The following MANBA variants were observed in gnomAD, a reference collection of about 807,000 sequenced individuals.
MANBA encodes beta-mannosidase.
Under a neutral mutation model 111.1 loss-of-function variants are expected in MANBA, and 83 were observed. The ratio of observed to expected loss-of-function variants is 0.75; its 90% CI spans 0.63 to 0.90. The LOEUF (loss-of-function observed/expected upper bound fraction) is 0.90, where lower values mean the gene tolerates loss of function less well. Ranked by LOEUF, MANBA falls within the 40% of genes least tolerant of loss-of-function variation. MANBA has a pLI of 0.00. For missense variants in MANBA, 1,036 were observed against 1,069.0 expected (o/e 0.97, Z 0.43); for synonymous variants, 370 against 378.7 (o/e 0.98, Z 0.27).
intron 1 of MANBA, among the ~76,000 whole-genome samples, chr4:102,736,016 A>G (rs1248501659): frequency 6.6e-6 from 1 of 152,228 alleles, no homozygotes; most frequent in Non-Finnish European, 1.5e-5. Flanking sequence ...CGTTTATACC[A>G]GCTGGTAACT....
At chr4:102,711,091 G>T (rs979877264) in intron 5 of MANBA, among the ~76,000 whole-genome samples, 1 of 152,074 alleles carries the variant, frequency 6.6e-6, no homozygotes, top group Admixed American at 6.5e-5. Flanking sequence ...CAAAAGCAAA[G>T]ATAACAAACA....
chr4:102,664,350 T>C (rs1360735822), intron 11 of MANBA, among the ~76,000 whole-genome samples: 2 of 117,118 alleles, frequency 1.7e-5, no homozygotes, highest in Non-Finnish European at 3.9e-5. Flanking sequence ...TAAACATACA[T>C]TCTTTTTTTT....
chr4:102,653,220 GCACACACACACACA>G (rs71596357), intron 12 of MANBA, among the ~76,000 whole-genome samples: 2,437 of 145,594 alleles, frequency 0.017, 68 homozygotes, highest in African/African-American at 0.058. Context: ...AGATCTACAT[GCACACACACACACA>G]CACACACACA....
At chr4:102,665,858 T>C (rs1302695371) in intron 10 of MANBA, 3 of 152,358 alleles carry the variant, frequency 2.0e-5, no homozygotes, top group East Asian at 1.9e-4. Flanking sequence ...TGCCCCCCAC[T>C]GATGCTCTCA....
intron 5 of MANBA, among the ~76,000 whole-genome samples, chr4:102,699,214 T>C (rs1183992120): frequency 6.6e-6 from 1 of 151,870 alleles, no homozygotes; most frequent in Non-Finnish European, 1.5e-5. Flanking sequence ...TTTTGTATCC[T>C]GAGACTTTGC....
At chr4:102,736,588 T>C (rs796748991) in intron 1 of MANBA, among the ~76,000 whole-genome samples, 3 of 152,320 alleles carry the variant, frequency 2.0e-5, no homozygotes, top group African/African-American at 7.2e-5. Flanking sequence ...ACAGGCGTTG[T>C]TTTCTTAGAC....
Position 102,752,442 on chromosome 4 carries a change from T to A in MANBA, c.177+8276A>T, listed in dbSNP as rs1039021309. 1.5e-5 allele frequency: 12 copies of A among 804,864 alleles called. 1 individual carries two copies. Among genetic ancestry groups the A allele is most frequent in the Non-Finnish European group, 6.7e-6 (3 of 446,530 alleles). The allele number at this position is 804,864 out of a possible 1,614,324, so 49.9% of individuals were successfully genotyped here. On this transcript the variant is annotated intron_variant, in intron 1 of 16. Transcript: ENST00000647097. Reference sequence around the variant, plus strand: ...CATTAGTAAAATGGTCTCCTACCCATGAACAGCAACTGATTTCAGGATCTT... The same window carrying A: ...CATTAGTAAAATGGTCTCCTACCCAAGAACAGCAACTGATTTCAGGATCTT...
chr4:102,710,095 T>C (rs1017128007), intron 5 of MANBA, among the ~76,000 whole-genome samples: 1 of 151,984 alleles, frequency 6.6e-6, no homozygotes, highest in African/African-American at 2.4e-5. Flanking sequence ...CTCTAAGAAC[T>C]AGAATGGGAA....
intron 5 of MANBA, among the ~76,000 whole-genome samples, chr4:102,708,513 G>C (rs977238838): frequency 1.3e-5 from 2 of 151,972 alleles, no homozygotes; most frequent in African/African-American, 2.4e-5. Flanking sequence ...AGTGCTAAGA[G>C]GGAAGTTTAT....
At chr4:102,655,095 C>T (rs1578873429) in intron 12 of MANBA, among the ~76,000 whole-genome samples, 1 of 151,798 alleles carries the variant, frequency 6.6e-6, no homozygotes, top group East Asian at 1.9e-4. Flanking sequence ...TTTACAATAG[C>T]GTCAGGAAGA....
rs1722912274 is a variant in MANBA at position 102,728,821 on chromosome 4, C to T, written c.178-2138G>A. The stretch of plus-strand genomic sequence containing the variant: ...TCTCGATCTTCTTCACAACCACTGC[C>T]CTGGTGGTGCTGGTGCGGCTGAAGG... On this transcript the variant is annotated intron_variant, in intron 1 of 16. Transcript: ENST00000647097. 6.6e-6 allele frequency: 6 copies of T among 907,146 alleles called. No individual in the cohort carries two copies. In the East Asian group the frequency reaches 1.0e-4, roughly 16 times the overall value. The allele number at this position is 907,146 out of a possible 1,614,324, so 56.2% of individuals were successfully genotyped here. A position where few individuals can be genotyped will look rare whatever the true frequency, so the allele number is the denominator to read the frequency against.
rs1438527866 is a variant in MANBA, at chr4:102,670,160, A to AT, written c.1231-1112_1231-1111insA. ...ACAGAGCCAGACTCCATATCAAAAA[A>AT]AAAAAAAAAAAAAAAAAGATCATAG... On this transcript the variant is annotated intron_variant, in intron 9 of 16. Coordinates refer to ENST00000647097, the MANE Select transcript of MANBA (RefSeq NM_005908.4). Among the ~76,000 whole-genome samples the AT allele has an allele frequency of 5.6e-3, 321 of 56,980 alleles. 3 individuals carry two copies. Among genetic ancestry groups the AT allele is most frequent in the African/African-American group, 0.012 (311 of 24,970 alleles). 37.4% of individuals were successfully genotyped at this position (56,980 alleles called of 152,430 possible). A position where few individuals can be genotyped will look rare whatever the true frequency, so the allele number is the denominator to read the frequency against.
rs576329833 is a variant in MANBA, at chr4:102,720,263, C to T, written c.549+2608G>A. On this transcript the variant is annotated intron_variant, in intron 4 of 16. Transcript: ENST00000647097. ...CAGCCTGGCCAACATGGTGAAACCC[C>T]ATCTCTACTAAAACTACAAAAATTA... Among the ~76,000 whole-genome samples, 457 of 152,078 alleles carry T rather than the reference C, an allele frequency of 3.0e-3. 3 individuals are homozygous for T. Among genetic ancestry groups the T allele is most frequent in the African/African-American group, 0.01 (431 of 41,482 alleles).
chr4:102,642,451 C>CA (rs1319737616), intron 13 of MANBA, among the ~76,000 whole-genome samples: 2 of 151,994 alleles, frequency 1.3e-5, no homozygotes, highest in Non-Finnish European at 2.9e-5. Flanking sequence ...ACTAAAAATA[C>CA]AAAAAATTAA....
At chr4:102,682,362 G>C (rs1230130611) in intron 7 of MANBA, among the ~76,000 whole-genome samples, 1 of 152,010 alleles carries the variant, frequency 6.6e-6, no homozygotes, top group Non-Finnish European at 1.5e-5. Flanking sequence ...TTTATTAATA[G>C]GATTGCCAGT....
Position 102,689,618 on chromosome 4 carries a change from G to A in MANBA, c.916C>T (p.Leu306Phe). 6.2e-7 allele frequency: 1 copy of A among 1,610,376 alleles called. No individual in the cohort carries two copies. The highest frequency in any genetic ancestry group is 8.5e-7 in the Non-Finnish European group (1 of 1,177,422). Reference protein sequence around the residue: ...GNQTGYNMTVLFELDGGLNIE... With the variant: ...GNQTGYNMTVFFELDGGLNIE... Reference sequence around the variant, plus strand: ...TTTAAGCCTCCATCCAGTTCAAAAAGAACAGTCATGTTGTACCCAGTCTGG... The same window carrying A: ...TTTAAGCCTCCATCCAGTTCAAAAAAAACAGTCATGTTGTACCCAGTCTGG... The change falls in exon 7 of 17, where the codon CTT becomes TTT. Residue 306 changes from leucine to phenylalanine, a missense_variant. Coordinates refer to ENST00000647097, the MANE Select transcript of MANBA (RefSeq NM_005908.4).
At chr4:102,717,098 A>T (rs969854108) in intron 4 of MANBA, among the ~76,000 whole-genome samples, 1 of 152,142 alleles carries the variant, frequency 6.6e-6, no homozygotes, top group Non-Finnish European at 1.5e-5. Context: ...TCAACATCTT[A>T]TGAGGGAGAC....
intron 3 of MANBA, among the ~76,000 whole-genome samples, chr4:102,723,353 C>T (rs1268780902): frequency 6.6e-6 from 1 of 152,190 alleles, no homozygotes; most frequent in Non-Finnish European, 1.5e-5. Context: ...AATGTCTGCT[C>T]TGTCTACTTA....
intron 8 of MANBA, among the ~76,000 whole-genome samples, chr4:102,672,693 C>A (rs1470649130): frequency 6.6e-6 from 1 of 152,188 alleles, no homozygotes; most frequent in African/African-American, 2.4e-5. Context: ...TACTACCTGA[C>A]CTCCTATCAG....
Sources: allele counts gnomAD v4.1 joint callset (sites outside exome capture counted in the v4.1 genomes callset), GRCh38; gene constraint gnomAD v4.1.1; transcripts MANE v1.5; gene names NCBI Gene and HGNC (gene_info 2026-07-23, HGNC 2026-07-21).